The following ASIC2 variants were observed in gnomAD, a reference collection of about 807,000 sequenced individuals.
ASIC2 encodes the protein acid-sensing ion channel 2.
A neutral mutation model predicts 57.3 loss-of-function variants in ASIC2; 25 were observed. That is an observed-to-expected ratio of 0.44 (90% confidence interval 0.32 to 0.61). The LOEUF (loss-of-function observed/expected upper bound fraction) is 0.61, where lower values mean the gene tolerates loss of function less well. Ranked by LOEUF, ASIC2 falls within the 20% of genes least tolerant of loss-of-function variation. The pLI is 0.06. For missense variants in ASIC2, 641 were observed against 738.1 expected, an observed-to-expected ratio of 0.87 and a Z score of 1.52; for synonymous variants, 319 against 307.5, an observed-to-expected ratio of 1.04 and a Z score of -0.39.
chr17:33,212,211 T>A (rs1397235502), intron 1 of ASIC2, among the ~76,000 whole-genome samples: 1 of 152,164 alleles, frequency 6.6e-6, no homozygotes, highest in Non-Finnish European at 1.5e-5. Context: ...AAAAGGAACC[T>A]GGGAAATGTG....
At chr17:33,181,820 T>A (rs1475104478) in intron 1 of ASIC2, among the ~76,000 whole-genome samples, 2 of 152,110 alleles carry the variant, frequency 1.3e-5, no homozygotes, top group African/African-American at 4.8e-5. Context: ...CCAATTTGAA[T>A]CCCAAGAAAC....
intron 3 of ASIC2, among the ~76,000 whole-genome samples, chr17:33,076,578 C>A (rs1400620496): frequency 6.6e-6 from 1 of 152,212 alleles, no homozygotes; most frequent in Non-Finnish European, 1.5e-5. Context: ...ATGGTAGGCA[C>A]CACTCTAGAC....
intron 1 of ASIC2, chr17:34,039,704 G>A: frequency 6.2e-7 from 1 of 1,612,208 alleles, no homozygotes; most frequent in Non-Finnish European, 8.5e-7. Flanking sequence ...TGGTCATTCT[G>A]CTTTTTCTTG....
intron 3 of ASIC2, among the ~76,000 whole-genome samples, chr17:33,042,609 G>T (rs1036871807): frequency 3.3e-5 from 5 of 152,212 alleles, no homozygotes; most frequent in African/African-American, 9.7e-5. Context: ...GTCTCTGTTG[G>T]ATACCTGGTG....
At chr17:33,629,711 A>C (rs1906099960) in intron 1 of ASIC2, among the ~76,000 whole-genome samples, 1 of 152,168 alleles carries the variant, frequency 6.6e-6, no homozygotes, top group Non-Finnish European at 1.5e-5. Flanking sequence ...AACTGGAATC[A>C]GTGCCTTACT....
intron 1 of ASIC2, among the ~76,000 whole-genome samples, chr17:33,523,177 T>C (rs1253410196): frequency 6.6e-6 from 1 of 152,242 alleles, no homozygotes; most frequent in Non-Finnish European, 1.5e-5. Context: ...ACTGTCTTTG[T>C]CATCTTGGTA....
In ASIC2 at chr17:33,292,950, G is replaced by T. The variant is rs1306630001; in HGVS notation, c.-835C>A. 3 of 985,426 alleles carry T rather than the reference G, an allele frequency of 3.0e-6. No individual in the cohort carries two copies. The highest frequency in any genetic ancestry group is 3.6e-6 in the Non-Finnish European group (3 of 830,000). 61.0% of individuals were successfully genotyped at this position (985,426 alleles called of 1,614,324 possible). ...CCGGGGTCCTTCAAGGATGCTAGCC[G>T]CAGGGAAGTGTCGCTTCTCGCCTCG... On this transcript the variant is annotated 5_prime_UTR_variant, in exon 1 of 10. Coordinates refer to ENST00000225823, the MANE Select transcript of ASIC2 (RefSeq NM_183377.2).
At chr17:33,831,740 C>T (rs1913121021) in intron 1 of ASIC2, among the ~76,000 whole-genome samples, 1 of 152,142 alleles carries the variant, frequency 6.6e-6, no homozygotes, top group Non-Finnish European at 1.5e-5. Context: ...CCCGTCTCTC[C>T]CAGGGACACA....
chr17:34,135,140 T>G (rs1243039881), intron 1 of ASIC2, among the ~76,000 whole-genome samples: 1 of 152,184 alleles, frequency 6.6e-6, no homozygotes, highest in Non-Finnish European at 1.5e-5. Flanking sequence ...TCTTAATTAA[T>G]AATTCCAAAA....
At chr17:33,663,219 C>T (rs757501598) in intron 1 of ASIC2, among the ~76,000 whole-genome samples, 9 of 152,188 alleles carry the variant, frequency 5.9e-5, no homozygotes, top group Non-Finnish European at 1.2e-4. Flanking sequence ...TCCAGGTTCA[C>T]GCAGCAGGTA....
intron 1 of ASIC2, among the ~76,000 whole-genome samples, chr17:33,505,281 G>A (rs1914215717): frequency 6.6e-6 from 1 of 152,002 alleles, no homozygotes; most frequent in Non-Finnish European, 1.5e-5. Flanking sequence ...AGAGTCCAGT[G>A]CTCTGGAAGA....
chr17:33,504,479 C>T (rs980946332), intron 1 of ASIC2, among the ~76,000 whole-genome samples: 14 of 152,112 alleles, frequency 9.2e-5, no homozygotes, highest in African/African-American at 1.7e-4. Flanking sequence ...GCTGGGATTA[C>T]GGGTGCGCCA....
At chr17:33,710,225 A>G (rs1286812712) in intron 1 of ASIC2, among the ~76,000 whole-genome samples, 1 of 152,234 alleles carries the variant, frequency 6.6e-6, no homozygotes, top group East Asian at 1.9e-4. Context: ...TTCCCTAGAA[A>G]GCACAATTCC....
Position 33,828,752 on chromosome 17 carries a change from C to T in ASIC2, c.555+327226G>A, listed in dbSNP as rs189786685. 8.3e-4 allele frequency among the ~76,000 whole-genome samples: 126 copies of T among 152,160 alleles called. 1 individual carries two copies. The highest frequency in any genetic ancestry group is 2.9e-3 in the African/African-American group (119 of 41,492). ...TAGTTCCACTTTGGTGTTTCATTGC[C>T]CACGCCCATAATGTAGGTGAACACA... On this transcript the variant is annotated intron_variant, in intron 1 of 9. Transcript: ENST00000359872.
At chr17:34,097,307 CAAG>C (rs1208359155) in intron 1 of ASIC2, among the ~76,000 whole-genome samples, 2 of 151,252 alleles carry the variant, frequency 1.3e-5, no homozygotes, top group Non-Finnish European at 2.9e-5. Flanking sequence ...GAGGCACAGA[CAAG>C]AAGTAGGATG....
chr17:33,079,611 G>A (rs1427212012), intron 3 of ASIC2, among the ~76,000 whole-genome samples: 1 of 152,134 alleles, frequency 6.6e-6, no homozygotes, highest in Non-Finnish European at 1.5e-5. Flanking sequence ...AGAATGGGTT[G>A]GGGAGGGACA....
At chr17:33,017,016 G>C (rs2091809595) in intron 8 of ASIC2, among the ~76,000 whole-genome samples, 3 of 152,224 alleles carry the variant, frequency 2.0e-5, no homozygotes, top group African/African-American at 7.2e-5. Flanking sequence ...AAAGCTTTCA[G>C]AGGCCTCGTT....
chr17:33,827,210 T>G (rs1318020665), intron 1 of ASIC2, among the ~76,000 whole-genome samples: 1 of 152,068 alleles, frequency 6.6e-6, no homozygotes, highest in Non-Finnish European at 1.5e-5. Context: ...AAATATTCAG[T>G]TGCAGTCAGA....
At chr17:33,245,282 G>A (rs1003294061) in intron 1 of ASIC2, among the ~76,000 whole-genome samples, 3 of 152,144 alleles carry the variant, frequency 2.0e-5, no homozygotes, top group Admixed American at 6.6e-5. Flanking sequence ...GAGCTATTAC[G>A]GAAATAGGAA....
Sources: gnomAD v4.1 joint callset for allele counts (sites outside exome capture counted in the v4.1 genomes callset) on GRCh38, gnomAD v4.1.1 for gene constraint, MANE v1.5 for transcripts, NCBI Gene and HGNC (gene_info 2026-07-23, HGNC 2026-07-21) for gene names.